Variants in FRAS1 observed in about 807,000 individuals in gnomAD.
FRAS1 encodes Fraser extracellular matrix complex subunit 1.
A neutral mutation model predicts 435.2 loss-of-function variants in FRAS1; 290 were observed. That is an observed-to-expected ratio of 0.67 (90% CI 0.61 to 0.73). The LOEUF (loss-of-function observed/expected upper bound fraction) is 0.73, where lower values mean the gene tolerates loss of function less well. Among genes scored for constraint, FRAS1 ranks in the 30% least tolerant of loss-of-function variants. FRAS1 has a pLI of 0.00. For synonymous variants in FRAS1, 1,800 were observed against 1,851.0 expected, an observed-to-expected ratio of 0.97 and a Z score of 0.71; for missense variants, 4,860 against 5,001.5, an observed-to-expected ratio of 0.97 and a Z score of 0.85.
intron 2 of FRAS1, among the ~76,000 whole-genome samples, chr4:78,152,079 G>C (rs1395811649): frequency 1.3e-5 from 2 of 152,196 alleles, no homozygotes; most frequent in African/African-American, 4.8e-5. Context: ...CAGATGCTAA[G>C]TCAGTATTTG....
chr4:78,180,237 AC>A (rs1388465020), intron 2 of FRAS1, among the ~76,000 whole-genome samples: 1 of 152,158 alleles, frequency 6.6e-6, no homozygotes, highest in Non-Finnish European at 1.5e-5. Flanking sequence ...TTCTTCAAGT[AC>A]TGATATTTCT....
intron 12 of FRAS1, among the ~76,000 whole-genome samples, chr4:78,284,078 T>A (rs745606869): frequency 3.8e-4 from 58 of 152,160 alleles, no homozygotes; most frequent in Non-Finnish European, 4.9e-4. Context: ...TGAATCTGTT[T>A]AAATAATACA....
intron 9 of FRAS1, among the ~76,000 whole-genome samples, chr4:78,276,275 T>C (rs1727028317): frequency 1.3e-5 from 2 of 152,256 alleles, no homozygotes; most frequent in Admixed American, 1.3e-4. Flanking sequence ...CTCCTTTAGC[T>C]TGGAGAAGTT....
At chr4:78,436,659 T>G (rs1354875164) in intron 38 of FRAS1, among the ~76,000 whole-genome samples, 1 of 152,138 alleles carries the variant, frequency 6.6e-6, no homozygotes, top group Non-Finnish European at 1.5e-5. Flanking sequence ...TCCAACAGTA[T>G]AGATGGATCT....
intron 2 of FRAS1, among the ~76,000 whole-genome samples, chr4:78,215,235 C>T (rs1421316355): frequency 3.9e-5 from 6 of 151,914 alleles, no homozygotes; most frequent in East Asian, 1.9e-4. Flanking sequence ...CTTGCTCTGT[C>T]GCCAGGCTGG....
chr4:78,357,573 G>C (rs775753338), intron 20 of FRAS1, among the ~76,000 whole-genome samples: 75 of 152,048 alleles, frequency 4.9e-4, no homozygotes, highest in Non-Finnish European at 9.4e-4. Flanking sequence ...TTGTGTTGGT[G>C]GGGGGCCTGG....
intron 29 of FRAS1, among the ~76,000 whole-genome samples, chr4:78,392,719 A>T (rs552479172): frequency 1.8e-4 from 22 of 123,892 alleles, no homozygotes; most frequent in African/African-American, 7.3e-4. Context: ...TGGAGGATCT[A>T]TAAAACATTA....
chr4:78,301,581 A>G (rs77396051), intron 14 of FRAS1, among the ~76,000 whole-genome samples: 1 of 152,192 alleles, frequency 6.6e-6, no homozygotes, highest in South Asian at 2.1e-4. Context: ...AGAAGGTTGA[A>G]TCTGGGACTA....
chr4:78,458,394 A>G (rs937304375), intron 47 of FRAS1, among the ~76,000 whole-genome samples: 3 of 152,220 alleles, frequency 2.0e-5, no homozygotes, highest in South Asian at 4.1e-4. Flanking sequence ...TTCACCAGAT[A>G]TAAATAGTTC....
rs534316885 is a variant in FRAS1 at position 78,457,160 on chromosome 4, C to A, written c.6763+4806C>A. On this transcript the variant is annotated intron_variant, in intron 47 of 73. Transcript: ENST00000512123. The stretch of plus-strand genomic sequence containing the variant: ...CAGAATTCCTAAAGGCATTTAGAGA[C>A]CCATTAAAAGGCCCTTTGCTGATGG... Among the ~76,000 whole-genome samples, 3 of 152,284 alleles carry A rather than the reference C, an allele frequency of 2.0e-5. No homozygotes were observed. In the East Asian group the frequency reaches 5.8e-4, roughly 29 times the overall value.
intron 2 of FRAS1, among the ~76,000 whole-genome samples, chr4:78,190,501 G>T (rs1020651057): frequency 1.1e-4 from 16 of 151,150 alleles, no homozygotes; most frequent in African/African-American, 3.9e-4. Context: ...TCATCTGCTA[G>T]AATGTACTAT....
At chr4:78,307,292 T>A in intron 14 of FRAS1, among the ~76,000 whole-genome samples, 1 of 152,234 alleles carries the variant, frequency 6.6e-6, no homozygotes, top group East Asian at 1.9e-4. Context: ...GACATTTAAG[T>A]CTGCAGAGGT....
At position 78,317,378 on chromosome 4, in the gene FRAS1, C is replaced by T. The variant is rs1271600348; in HGVS notation, c.1830C>T (p.Asn610=). Reference sequence around the variant, plus strand: ...CACTCTCTTCCTCAGTTTGTCATAACTCATGTGCCAGCTGCTCTGGGCCCA... The same window carrying T: ...CACTCTCTTCCTCAGTTTGTCATAATTCATGTGCCAGCTGCTCTGGGCCCA... ...DATGRCKVCH[N]SCASCSGPTP... The change falls in exon 17 of 74, where the codon AAC becomes AAT. Residue 610 remains asparagine, a synonymous_variant. Transcript: ENST00000512123. The T allele has an allele frequency of 6.2e-7, 1 of 1,613,922 alleles. No individual in the cohort carries two copies. Among genetic ancestry groups the T allele is most frequent in the Admixed American group, 1.7e-5 (1 of 60,028 alleles).
intron 2 of FRAS1, among the ~76,000 whole-genome samples, chr4:78,133,057 A>G (rs941360409): frequency 7.9e-5 from 12 of 152,220 alleles, no homozygotes; most frequent in Admixed American, 2.0e-4. Context: ...CCTGGGCAAC[A>G]GAGCGAGACT....
chr4:78,453,654 G>A (rs185472653), intron 47 of FRAS1, among the ~76,000 whole-genome samples: 1 of 152,000 alleles, frequency 6.6e-6, no homozygotes, highest in Non-Finnish European at 1.5e-5. Flanking sequence ...CTTTTTAAAG[G>A]CCAGATGTGG....
At chr4:78,251,097 T>A (rs902486472) in intron 4 of FRAS1, among the ~76,000 whole-genome samples, 1 of 152,226 alleles carries the variant, frequency 6.6e-6, no homozygotes, top group Admixed American at 6.5e-5. Context: ...ATCAATTTTC[T>A]TTTAAGTTCT....
chr4:78,325,075 C>A (rs1263607135), intron 18 of FRAS1, among the ~76,000 whole-genome samples: 1 of 152,070 alleles, frequency 6.6e-6, no homozygotes, highest in Admixed American at 6.5e-5. Flanking sequence ...AAAAAGAATG[C>A]AGAGATAATA....
intron 33 of FRAS1, among the ~76,000 whole-genome samples, 186 bp downstream of exon 33, chr4:78,419,249 A>G (rs147566920): frequency 0.016 from 2,513 of 152,344 alleles, 32 homozygotes; most frequent in Middle Eastern, 0.044. Context: ...AGAGAAAAAG[A>G]CTATGGTCAG....
intron 32 of FRAS1, among the ~76,000 whole-genome samples, chr4:78,416,375 CCATTGCACAA>C (rs1733555023): frequency 6.6e-6 from 1 of 151,710 alleles, no homozygotes; most frequent in African/African-American, 2.4e-5. Context: ...TTCTAGAGAT[CCATTGCACAA>C]CTGTATGCAT....
Sources: allele counts gnomAD v4.1 joint callset (sites outside exome capture counted in the v4.1 genomes callset), GRCh38; gene constraint gnomAD v4.1.1; transcripts MANE v1.5; gene names NCBI Gene and HGNC (gene_info 2026-07-23, HGNC 2026-07-21).